The following RBCK1 variants were observed in gnomAD, a reference collection of about 807,000 sequenced individuals.
The protein encoded by RBCK1 is RANBP2-type and C3HC4-type zinc finger containing 1.
RBCK1 carries 44 observed loss-of-function variants against 71.1 expected under a neutral mutation model. The ratio of observed to expected loss-of-function variants is 0.62; its 90% CI spans 0.49 to 0.80. The LOEUF (loss-of-function observed/expected upper bound fraction) is 0.80. Ranked by LOEUF, RBCK1 falls within the 30% of genes least tolerant of loss-of-function variation. RBCK1 has a pLI of 0.00. For missense variants in RBCK1, 569 were observed against 685.0 expected, an observed-to-expected ratio of 0.83 and a Z score of 1.89; for synonymous variants, 306 against 279.7, an observed-to-expected ratio of 1.09 and a Z score of -0.94.
rs1448339089 is a variant in RBCK1 at position 428,780 on chromosome 20, G to A, written c.1309-171G>A. On this transcript the variant is annotated intron_variant, in intron 10 of 11. Coordinates refer to ENST00000356286, the MANE Select transcript of RBCK1 (RefSeq NM_031229.4). The surrounding 1 kb of genome is among the most constrained non-coding windows in gnomAD (Gnocchi z 5.7). ...CAGGAAGAGCGTCTGGGTGGAGGGT[G>A]GAGACCACAGGAATGAAGAGGGGGT... is the stretch of plus-strand genomic sequence containing the variant. 9 of 1,424,008 alleles carry A rather than the reference G, an allele frequency of 6.3e-6. No homozygotes were observed. The East Asian group carries it at 2.3e-4, about 36-fold the overall frequency. 88.2% of individuals were successfully genotyped at this position (1,424,008 alleles called of 1,614,324 possible).
intron 2 of RBCK1, 143 bp downstream of exon 2, chr20:410,168 T>C (rs1210059172): frequency 5.3e-6 from 5 of 952,256 alleles, no homozygotes; most frequent in Non-Finnish European, 7.7e-6. Context: ...AACTGTGAAA[T>C]ACAGAGCAGG....
At chr20:427,987 C>A (rs2016823055) in intron 9 of RBCK1, among the ~76,000 whole-genome samples, 1 of 152,172 alleles carries the variant, frequency 6.6e-6, no homozygotes. Flanking sequence ...TGAGTGCTGA[C>A]CCCAAACCTA....
At chr20:420,768 G>A in intron 6 of RBCK1, 103 bp from the exon 7 acceptor site, 2 of 645,502 alleles carry the variant, frequency 3.1e-6, no homozygotes, top group African/African-American at 5.4e-5. Flanking sequence ...GCCTGTGGCT[G>A]GTCTGACCCA....
At chr20:420,096 C>G in intron 6 of RBCK1, 1 of 984,502 alleles carries the variant, frequency 1.0e-6, no homozygotes, top group Non-Finnish European at 1.2e-6. Flanking sequence ...CACCTCAGCT[C>G]GGACCTCACC....
chr20:425,667 C>G (rs2016674553), intron 8 of RBCK1, among the ~76,000 whole-genome samples: 1 of 143,534 alleles, frequency 7.0e-6, no homozygotes, highest in African/African-American at 2.7e-5. Flanking sequence ...CACTCTGTTG[C>G]CTAAGCTGGA....
chr20:417,899 G>A lies in RBCK1; in HGVS notation c.429G>A (p.Leu143=). Residue 143 remains leucine, a synonymous_variant, in exon 4 of 12, where the codon CTG becomes CTA. Transcript: ENST00000356286. This position sits in a 1 kb window ranked among gnomAD's most constrained non-coding sequence, Gnocchi z 4.7. ...ARNTSLNPQE[L]QRERQLRMLE... ...ACACCTCCCTCAACCCTCAGGAGCTGCAGCGGGAGCGGCAGCTGCGGATGC... is the reference window on the plus strand; with the variant it reads ...ACACCTCCCTCAACCCTCAGGAGCTACAGCGGGAGCGGCAGCTGCGGATGC... 1.2e-6 allele frequency: 2 copies of A among 1,611,366 alleles called. No individual in the cohort carries two copies. The highest frequency in any genetic ancestry group is 1.7e-6 in the Non-Finnish European group (2 of 1,179,968).
At chr20:426,406 C>A (rs2122315955) in intron 8 of RBCK1, among the ~76,000 whole-genome samples, 1 of 152,220 alleles carries the variant, frequency 6.6e-6, no homozygotes, top group East Asian at 1.9e-4. Context: ...CTCATTAGTT[C>A]AGTTGTTTCG....
At chr20:412,647 GAGTACTTTATTCATTTTAGCTAGA>G (rs1177546894) in intron 2 of RBCK1, among the ~76,000 whole-genome samples, 74 of 152,264 alleles carry the variant, frequency 4.9e-4, no homozygotes, top group African/African-American at 1.7e-3. Context: ...TGAGTTGTAG[GAGTACTTTATTCATTTTAGCTAGA>G]AGTACTTTAT....
chr20:423,829 G>A (rs960306789), intron 8 of RBCK1, among the ~76,000 whole-genome samples: 8 of 152,090 alleles, frequency 5.3e-5, no homozygotes, highest in Admixed American at 3.9e-4. Context: ...TGGGTCAGCC[G>A]CGGTGGCCTG....
At position 427,185 on chromosome 20, in the gene RBCK1, A is replaced by G. The variant is rs1298160174; in HGVS notation, c.1030-128A>G. The G allele has an allele frequency of 3.6e-6, 3 of 830,374 alleles. No homozygotes were observed. The Middle Eastern group carries it at 7.3e-4, about 203-fold the overall frequency. 51.4% of individuals were successfully genotyped at this position (830,374 alleles called of 1,614,324 possible). A position where few individuals can be genotyped will look rare whatever the true frequency, so the allele number is the denominator to read the frequency against. On this transcript the variant is annotated intron_variant, in intron 8 of 11. Coordinates refer to ENST00000356286, the MANE Select transcript of RBCK1 (RefSeq NM_031229.4). Reference sequence around the variant, plus strand: ...AGTTTTTCAACACTATGAGGATTACATGAAGAAAAGAGCCTGGGGCTGGGT... The same window carrying G: ...AGTTTTTCAACACTATGAGGATTACGTGAAGAAAAGAGCCTGGGGCTGGGT...
intron 8 of RBCK1, among the ~76,000 whole-genome samples, chr20:425,644 T>TTTTTTA (rs61202599): frequency 7.1e-5 from 9 of 125,964 alleles, no homozygotes; most frequent in African/African-American, 2.0e-4. Context: ...TTTTTTTTTT[T>TTTTTTA]GAGACGAAGT....
chr20:417,282 C>A lies in RBCK1; in HGVS notation c.168-244C>A. On this transcript the variant is annotated intron_variant, in intron 2 of 11. Transcript: ENST00000356286. The surrounding 1 kb of genome is among the most constrained non-coding windows in gnomAD (Gnocchi z 4.7). Reference sequence around the variant, plus strand: ...AGGGAGGTGCCAGATCATGGAGGCCCTCGTGTGCTGCCACGAGTTGATTCT... The same window carrying A: ...AGGGAGGTGCCAGATCATGGAGGCCATCGTGTGCTGCCACGAGTTGATTCT... 2 of 694,732 alleles carry A rather than the reference C, an allele frequency of 2.9e-6. No individual in the cohort carries two copies. Among genetic ancestry groups the A allele is most frequent in the East Asian group, 2.9e-5 (1 of 34,446 alleles). 43.0% of individuals were successfully genotyped at this position (694,732 alleles called of 1,614,324 possible).
chr20:428,943 C>T lies in RBCK1; in HGVS notation c.1309-8C>T. Reference sequence around the variant, plus strand: ...CCCGCCCCAGGGCCAGCACCTGCCCCACTCCAGGTGATGCTGCAGCAGGGC... The same window carrying T: ...CCCGCCCCAGGGCCAGCACCTGCCCTACTCCAGGTGATGCTGCAGCAGGGC... On this transcript the variant is annotated splice_region_variant and splice_polypyrimidine_tract_variant and intron_variant, in intron 10 of 11. Coordinates refer to ENST00000356286, the MANE Select transcript of RBCK1 (RefSeq NM_031229.4). The surrounding 1 kb of genome is among the most constrained non-coding windows in gnomAD (Gnocchi z 5.7). 6.2e-7 allele frequency: 1 copy of T among 1,603,930 alleles called. No individual in the cohort carries two copies. Among genetic ancestry groups the T allele is most frequent in the Non-Finnish European group, 8.5e-7 (1 of 1,177,814 alleles).
intron 11 of RBCK1, among the ~76,000 whole-genome samples, chr20:429,494 A>G (rs997608789): frequency 3.3e-5 from 5 of 152,158 alleles, no homozygotes; most frequent in African/African-American, 4.8e-5. Context: ...CCAAAGTGCT[A>G]GGATTACAGG....
At chr20:420,310 C>T (rs2016310154) in intron 6 of RBCK1, 2 of 984,918 alleles carry the variant, frequency 2.0e-6, no homozygotes, top group Non-Finnish European at 1.2e-6. Flanking sequence ...GACACACGCA[C>T]TAATGACACA....
At chr20:427,019 GA>G (rs941021723) in intron 8 of RBCK1, among the ~76,000 whole-genome samples, 1 of 151,494 alleles carries the variant, frequency 6.6e-6, no homozygotes, top group Non-Finnish European at 1.5e-5. Context: ...TTTTTTGGTA[GA>G]GATGAGGTCT....
At chr20:410,654 G>A in intron 2 of RBCK1, 1 of 729,592 alleles carries the variant, frequency 1.4e-6, no homozygotes, top group African/African-American at 1.7e-5. Context: ...GAAGGGAAGA[G>A]AATGGATACT....
Position 431,548 on chromosome 20 carries a change from A to G in RBCK1, c.*1118A>G, listed in dbSNP as rs2017015067. 1.3e-5 allele frequency among the ~76,000 whole-genome samples: 2 copies of G among 152,054 alleles called. No homozygotes were observed. The highest frequency in any genetic ancestry group is 2.9e-5 in the Non-Finnish European group (2 of 68,006). ...GTATTTGATGCCCAACACATTGTCC[A>G]CGCTGTGACGTGACCATCATCATAG... On this transcript the variant is annotated 3_prime_UTR_variant, in exon 12 of 12. Coordinates refer to ENST00000356286, the MANE Select transcript of RBCK1 (RefSeq NM_031229.4). The surrounding 1 kb of genome is among the most constrained non-coding windows in gnomAD (Gnocchi z 4.8).
Position 422,287 on chromosome 20 carries a change from A to C in RBCK1, c.1029+49A>C. On this transcript the variant is annotated intron_variant, in intron 8 of 11. Transcript: ENST00000356286. The surrounding 1 kb of genome is among the most constrained non-coding windows in gnomAD (Gnocchi z 5.0). ...TACCCCAAGTCCCAACTCCTAAGGA[A>C]CTGGGCCCTGAGCAGGCAGCAGACA... 1.4e-6 allele frequency: 2 copies of C among 1,473,876 alleles called. No homozygotes were observed. Among genetic ancestry groups the C allele is most frequent in the Non-Finnish European group, 1.9e-6 (2 of 1,057,180 alleles). The allele number at this position is 1,473,876 out of a possible 1,614,324, so 91.3% of individuals were successfully genotyped here.
Sources: allele counts gnomAD v4.1 joint callset (sites outside exome capture counted in the v4.1 genomes callset), GRCh38; gene constraint gnomAD v4.1.1; non-coding constraint Gnocchi (gnomAD v3.1); transcripts MANE v1.5; gene names NCBI Gene and HGNC (gene_info 2026-07-23, HGNC 2026-07-21).